Variants in CD44 observed in about 807,000 individuals in gnomAD.
The protein encoded by CD44 is CD44 antigen.
A neutral mutation model predicts 88.8 loss-of-function variants in CD44; 49 were observed. The ratio of observed to expected loss-of-function variants is 0.55; its 90% CI spans 0.44 to 0.70. The LOEUF (loss-of-function observed/expected upper bound fraction) is 0.70. CD44 is among the 30% of genes least tolerant of loss of function. The pLI, the probability that CD44 is intolerant of heterozygous loss-of-function variation, is 0.00. For synonymous variants in CD44, 325 were observed against 312.3 expected (o/e 1.04, Z -0.43); for missense variants, 883 against 913.8 (o/e 0.97, Z 0.43).
chr11:35,156,734 G>A (rs1186120982), intron 1 of CD44, among the ~76,000 whole-genome samples: 3 of 152,198 alleles, frequency 2.0e-5, no homozygotes. Context: ...ATCATGCTGT[G>A]TTGTCAACTT....
At chr11:35,190,264 C>T in intron 5 of CD44, 199 bp downstream of exon 5, 1 of 595,376 alleles carries the variant, frequency 1.7e-6, no homozygotes, top group Non-Finnish European at 3.0e-6. Flanking sequence ...CTTTTTTCCT[C>T]ATCTATAACT....
chr11:35,185,368 C>T (rs754530668), intron 3 of CD44, among the ~76,000 whole-genome samples: 4 of 152,040 alleles, frequency 2.6e-5, no homozygotes, highest in African/African-American at 4.8e-5. Flanking sequence ...CACTAACTGC[C>T]CAAAGAAATG....
At chr11:35,161,068 T>C (rs779156914) in intron 1 of CD44, among the ~76,000 whole-genome samples, 34 of 152,212 alleles carry the variant, frequency 2.2e-4, no homozygotes, top group Non-Finnish European at 4.3e-4. Context: ...CCAAGGATAC[T>C]GAAAGTGGTT....
intron 1 of CD44, among the ~76,000 whole-genome samples, chr11:35,176,129 G>A (rs985163761): frequency 2.0e-5 from 3 of 146,426 alleles, no homozygotes; most frequent in East Asian, 4.1e-4. Flanking sequence ...TGTAAGCTCC[G>A]CCTCCCAGGT....
chr11:35,159,001 C>A (rs1300654583), intron 1 of CD44, among the ~76,000 whole-genome samples: 2 of 152,166 alleles, frequency 1.3e-5, no homozygotes, highest in Non-Finnish European at 2.9e-5. Context: ...TGTTTTCCTC[C>A]CTCTCCCATT....
intron 16 of CD44, among the ~76,000 whole-genome samples, chr11:35,220,438 G>T (rs1949199741): frequency 6.6e-6 from 1 of 152,148 alleles, no homozygotes; most frequent in Admixed American, 6.5e-5. Flanking sequence ...TGAGGCAAAG[G>T]TAGTGCTGAG....
intron 3 of CD44, among the ~76,000 whole-genome samples, chr11:35,184,117 TC>T (rs1945421266): frequency 6.6e-6 from 1 of 152,030 alleles, no homozygotes; most frequent in South Asian, 2.1e-4. Context: ...AGTACAGAGC[TC>T]ATTAAATGGA....
chr11:35,210,013 A>C lies in CD44; in HGVS notation c.1565A>C (p.Glu522Ala). The C allele has an allele frequency of 6.4e-7, 1 of 1,573,094 alleles. No homozygotes were observed. The highest frequency in any genetic ancestry group is 8.6e-7 in the Non-Finnish European group (1 of 1,164,712). The change falls in exon 13 of 18, where the codon GAA (glutamate) becomes GCA (alanine). Residue 522 changes from glutamate to alanine, a missense_variant. Transcript: ENST00000428726. ...SFSTSHEGLE[E>A]DKDHPTTSTL... is the part of the protein sequence containing the mutation. Reference sequence around the variant, plus strand: ...TCTACATCACATGAAGGCTTGGAAGAAGATAAAGACCATCCAACAACTTCT... The same window carrying C: ...TCTACATCACATGAAGGCTTGGAAGCAGATAAAGACCATCCAACAACTTCT...
chr11:35,209,923 G>A lies in CD44; in HGVS notation c.1517-42G>A, dbSNP rs148495180. 3.3e-4 allele frequency: 426 copies of A among 1,306,928 alleles called. 1 individual carries two copies. The African/African-American group carries it at 3.9e-3, about 12-fold the overall frequency. The allele number at this position is 1,306,928 out of a possible 1,614,324, so 81.0% of individuals were successfully genotyped here. ...GCTAGCAGATAACAGGATTTGTACC[G>A]TAGCTTCAAATTAACACTGGATTCA... is the stretch of plus-strand genomic sequence containing the variant. On this transcript the variant is annotated intron_variant, in intron 12 of 17. Transcript: ENST00000428726.
In CD44 at chr11:35,186,865, A is replaced by G. The variant is rs1356871470; in HGVS notation, c.401A>G (p.Asp134Gly). 1 of 1,608,318 alleles carries G rather than the reference A, an allele frequency of 6.2e-7. No homozygotes were observed. Among genetic ancestry groups the G allele is most frequent in the African/African-American group, 1.3e-5 (1 of 74,892 alleles). ...GAAGAAGATTGTACATCAGTCACAG[A>G]CCTGCCCAATGCCTTTGATGGACCA... The part of the protein sequence containing the change: ...PPEEDCTSVT[D>G]LPNAFDGPIT... Residue 134 changes from aspartate to glycine, a missense_variant, in exon 4 of 18, where the codon GAC (aspartate) becomes GGC (glycine). By Grantham distance (94) the Asp-to-Gly change is moderately conservative. Coordinates refer to ENST00000428726, the MANE Select transcript of CD44 (RefSeq NM_000610.4).
chr11:35,204,617 C>T lies in CD44; in HGVS notation c.1259C>T (p.Ser420Phe). 6.2e-7 allele frequency: 1 copy of T among 1,613,138 alleles called. No individual in the cohort carries two copies. The change falls in exon 10 of 18, where the codon TCC (serine) becomes TTC (phenylalanine). Residue 420 changes from serine (S) to phenylalanine (F), a missense_variant. This residue lies in a region of CD44 where 631 missense variants were observed against 590.9 expected (regional missense o/e 1.07). Coordinates refer to ENST00000428726, the MANE Select transcript of CD44 (RefSeq NM_000610.4). ...TATCGCCAAACACCCAAAGAAGACTCCCATTCGACAACAGGGACAGCTGGT... is the reference window on the plus strand; with the variant it reads ...TATCGCCAAACACCCAAAGAAGACTTCCATTCGACAACAGGGACAGCTGGT... ...EGYRQTPKED[S>F]HSTTGTAAAS...
At chr11:35,192,903 T>G (rs1435688990) in intron 5 of CD44, among the ~76,000 whole-genome samples, 2 of 151,984 alleles carry the variant, frequency 1.3e-5, no homozygotes, top group Admixed American at 1.3e-4. Context: ...TACCACTCCT[T>G]TCAGGAAGAC....
At chr11:35,160,029 C>T (rs75006362) in intron 1 of CD44, among the ~76,000 whole-genome samples, 2 of 152,302 alleles carry the variant, frequency 1.3e-5, no homozygotes, top group East Asian at 3.9e-4. Context: ...CTTTCCTCTC[C>T]TCACTCTCCC....
At chr11:35,144,027 T>G (rs1011445031) in intron 1 of CD44, among the ~76,000 whole-genome samples, 1 of 152,214 alleles carries the variant, frequency 6.6e-6, no homozygotes, top group Non-Finnish European at 1.5e-5. Flanking sequence ...TGTGCGACCC[T>G]GGGTAGGAGG....
At chr11:35,141,342 A>G (rs956895251) in intron 1 of CD44, among the ~76,000 whole-genome samples, 26 of 152,112 alleles carry the variant, frequency 1.7e-4, no homozygotes, top group African/African-American at 6.0e-4. Context: ...ATTTTGGTGG[A>G]CTCTAGGCCT....
intron 1 of CD44, among the ~76,000 whole-genome samples, chr11:35,171,104 A>T (rs958141847): frequency 3.9e-5 from 6 of 152,252 alleles, no homozygotes; most frequent in Non-Finnish European, 8.8e-5. Flanking sequence ...AATAAATATT[A>T]GCCACTGCTC....
At chr11:35,161,552 G>T (rs1347770068) in intron 1 of CD44, among the ~76,000 whole-genome samples, 1 of 152,180 alleles carries the variant, frequency 6.6e-6, no homozygotes, top group Non-Finnish European at 1.5e-5. Flanking sequence ...CATCACAGTT[G>T]CACTCTGCTG....
chr11:35,224,486 G>A (rs1054143732), intron 17 of CD44, among the ~76,000 whole-genome samples: 1 of 152,110 alleles, frequency 6.6e-6, no homozygotes. Context: ...CATGTGCAGT[G>A]GCTCACTTTG....
At chr11:35,152,873 T>C (rs1051057991) in intron 1 of CD44, among the ~76,000 whole-genome samples, 4 of 152,058 alleles carry the variant, frequency 2.6e-5, no homozygotes, top group Non-Finnish European at 5.9e-5. Context: ...GGGCTAGAGG[T>C]GGGAATGGGA....
Sources: allele counts gnomAD v4.1 joint callset (sites outside exome capture counted in the v4.1 genomes callset), GRCh38; gene constraint gnomAD v4.1.1; regional missense constraint gnomAD v4.1.1; transcripts MANE v1.5; gene names NCBI Gene and HGNC (gene_info 2026-07-23, HGNC 2026-07-21).